ORC5: variants seen among roughly 807,000 people sequenced by gnomAD.
The protein encoded by ORC5 is protein phosphatase 1, regulatory subunit 117.
Under a neutral mutation model 58.8 loss-of-function variants are expected in ORC5, and 39 were observed. The observed-to-expected ratio is 0.66, with a 90% confidence interval of 0.51 to 0.87. ORC5 has a LOEUF of 0.87. Among genes scored for constraint, ORC5 ranks in the 40% least tolerant of loss-of-function variants. The pLI is 0.00. For synonymous variants in ORC5, 218 were observed against 177.6 expected, an observed-to-expected ratio of 1.23 and a Z score of -1.81; for missense variants, 493 against 506.3, an observed-to-expected ratio of 0.97 and a Z score of 0.25.
rs192385896 is a variant in ORC5 at position 104,167,222 on chromosome 7, T to C, written c.878-338A>G. Among the ~76,000 whole-genome samples the C allele has an allele frequency of 5.7e-3, 867 of 152,304 alleles. 3 individuals are homozygous for C. Among genetic ancestry groups the C allele is most frequent in the Non-Finnish European group, 8.6e-3 (588 of 68,010 alleles). On this transcript the variant is annotated intron_variant, in intron 9 of 13. Transcript: ENST00000297431. ...TTATTTCTACTATGAATTCCTACTC[T>C]GAGTATTCCCACATAACGTGATGCC...
At position 104,188,398 on chromosome 7, in the gene ORC5, A is replaced by C. The variant is rs1432437258; in HGVS notation, c.554-17T>G. On this transcript the variant is annotated splice_polypyrimidine_tract_variant and intron_variant, in intron 5 of 13. Transcript: ENST00000297431. ...GAAGGTTGCCTGTTCACAGGACACA[A>C]AATAACTTATAATGATTAACATAGT... 1 of 1,600,018 alleles carries C rather than the reference A, an allele frequency of 6.2e-7. No individual in the cohort carries two copies. The highest frequency in any genetic ancestry group is 2.2e-5 in the East Asian group (1 of 44,716).
chr7:104,151,337 A>G (rs1179882042), intron 12 of ORC5, among the ~76,000 whole-genome samples: 1 of 152,220 alleles, frequency 6.6e-6, no homozygotes, highest in Non-Finnish European at 1.5e-5. Flanking sequence ...CAACTGCCTA[A>G]TAAGGAAGCT....
In ORC5 at chr7:104,200,753, C is replaced by A; in HGVS notation, c.366+5G>T. 6.6e-7 allele frequency: 1 copy of A among 1,514,324 alleles called. No homozygotes were observed. Among genetic ancestry groups the A allele is most frequent in the Non-Finnish European group, 9.1e-7 (1 of 1,094,240 alleles). 93.8% of individuals were successfully genotyped at this position (1,514,324 alleles called of 1,614,324 possible). On this transcript the variant is annotated splice_donor_5th_base_variant and intron_variant, in intron 3 of 13. Coordinates refer to ENST00000297431, the MANE Select transcript of ORC5 (RefSeq NM_002553.4). ...GAGATGATCTAATCAAATGAAATTACTTACAATATATACAGTCTGATCTTT... is the reference window on the plus strand; with the variant it reads ...GAGATGATCTAATCAAATGAAATTAATTACAATATATACAGTCTGATCTTT...
At chr7:104,188,807 A>G (rs1799607190) in intron 5 of ORC5, among the ~76,000 whole-genome samples, 2 of 152,036 alleles carry the variant, frequency 1.3e-5, no homozygotes, top group Admixed American at 6.6e-5. Flanking sequence ...CATGAGGCAG[A>G]CTTCCCCCTA....
chr7:104,192,759 C>G (rs537090147), intron 5 of ORC5, among the ~76,000 whole-genome samples: 1 of 151,426 alleles, frequency 6.6e-6, no homozygotes, highest in South Asian at 2.1e-4. Context: ...AAACAACTAT[C>G]ATAAGTATGC....
At position 104,200,780 on chromosome 7, in the gene ORC5, A is replaced by T. The variant is rs1799920253; in HGVS notation, c.344T>A (p.Leu115His). ...LFKQVTTAEN[L>H]KDQTVYIVLD... ...TACAATATATACAGTCTGATCTTTA[A>T]GATTTTCAGCTGTGGTTACTTGTTT... Residue 115 changes from leucine (L) to histidine (H), a missense_variant, in exon 3 of 14, where the codon CTT becomes CAT. By Grantham distance (99) the Leu-to-His change is moderately conservative. Coordinates refer to ENST00000297431, the MANE Select transcript of ORC5 (RefSeq NM_002553.4). The T allele has an allele frequency of 6.2e-7, 1 of 1,605,910 alleles. No individual in the cohort carries two copies. The highest frequency in any genetic ancestry group is 2.2e-5 in the East Asian group (1 of 44,818).
chr7:104,188,187 T>A, intron 6 of ORC5, 64 bp downstream of exon 6: 1 of 1,163,752 alleles, frequency 8.6e-7, no homozygotes, highest in South Asian at 1.5e-5. Flanking sequence ...TATATACACA[T>A]ATATGTATAC....
chr7:104,199,470 G>A (rs1799881228), intron 3 of ORC5, among the ~76,000 whole-genome samples: 1 of 152,204 alleles, frequency 6.6e-6, no homozygotes, highest in Non-Finnish European at 1.5e-5. Flanking sequence ...CTGGATGTGA[G>A]GCATGGAGTC....
Position 104,137,988 on chromosome 7 carries a change from C to T in ORC5, c.1150-1095G>A, listed in dbSNP as rs76136074. On this transcript the variant is annotated intron_variant, in intron 12 of 13. Coordinates refer to ENST00000297431, the MANE Select transcript of ORC5 (RefSeq NM_002553.4). ...AAAACTAAAAGAGCACACTGTAACACGCCCACTGCGGCTTCAGGAGCTGTA... is the reference window on the plus strand; with the variant it reads ...AAAACTAAAAGAGCACACTGTAACATGCCCACTGCGGCTTCAGGAGCTGTA... Among the ~76,000 whole-genome samples the T allele has an allele frequency of 1.3e-3, 193 of 152,290 alleles. 2 individuals are homozygous for T. Among genetic ancestry groups the T allele is most frequent in the East Asian group, 0.012 (60 of 5,172 alleles).
intron 12 of ORC5, among the ~76,000 whole-genome samples, chr7:104,154,147 C>G (rs180840294): frequency 4.6e-5 from 7 of 152,116 alleles, no homozygotes; most frequent in African/African-American, 1.7e-4. Flanking sequence ...ACTGTATATA[C>G]TAGGCCATAT....
chr7:104,194,177 GA>G (rs1799743906), intron 5 of ORC5, among the ~76,000 whole-genome samples: 1 of 146,358 alleles, frequency 6.8e-6, no homozygotes. Flanking sequence ...TTATGGATGA[GA>G]AATTAATGAC....
intron 12 of ORC5, among the ~76,000 whole-genome samples, chr7:104,141,714 AACTT>A (rs1414120125): frequency 2.6e-5 from 4 of 152,214 alleles, no homozygotes; most frequent in African/African-American, 9.6e-5. Flanking sequence ...AAAAAAATCT[AACTT>A]ACAACAGCAT....
chr7:104,159,041 G>A (rs993381199), intron 12 of ORC5, among the ~76,000 whole-genome samples: 11 of 147,742 alleles, frequency 7.4e-5, no homozygotes, highest in Middle Eastern at 6.8e-3. Flanking sequence ...CGTTTATTAC[G>A]GCACTATTCA....
intron 10 of ORC5, 76 bp from the exon 11 acceptor site, chr7:104,165,358 C>A: frequency 1.3e-6 from 1 of 796,406 alleles, no homozygotes; most frequent in South Asian, 1.6e-5. Flanking sequence ...TTATTTAAAA[C>A]ATGGCACACA....
intron 6 of ORC5, chr7:104,188,044 GT>G: frequency 9.4e-7 from 1 of 1,064,246 alleles, no homozygotes; most frequent in Non-Finnish European, 1.2e-6. Flanking sequence ...AACAATCAAA[GT>G]TTGTACTAAC....
chr7:104,146,879 A>G (rs1798761212), intron 12 of ORC5, among the ~76,000 whole-genome samples: 1 of 152,224 alleles, frequency 6.6e-6, no homozygotes, highest in South Asian at 2.1e-4. Flanking sequence ...ATATTTTACT[A>G]TAGCTTTGCC....
chr7:104,183,947 A>T lies in ORC5; in HGVS notation c.820T>A (p.Ser274Thr). ...AMQTVYLREISSSQWEKLQKD... is the reference protein window; with the variant it reads ...AMQTVYLREITSSQWEKLQKD... ...GCATACTAAATAGAAAATTACCTTG[A>T]TATTTCCCTGAGATAAACAGTCTGC... Residue 274 changes from serine to threonine, a missense_variant, in exon 8 of 14, where the codon TCA (serine) becomes ACA (threonine). Around this residue, in one of 3 missense-constraint regions of ORC5, gnomAD observed 412 missense variants for 403.7 expected, o/e 1.02. Coordinates refer to ENST00000297431, the MANE Select transcript of ORC5 (RefSeq NM_002553.4). 1 of 1,601,888 alleles carries T rather than the reference A, an allele frequency of 6.2e-7. No individual in the cohort carries two copies. Among genetic ancestry groups the T allele is most frequent in the Non-Finnish European group, 8.5e-7 (1 of 1,171,172 alleles).
intron 5 of ORC5, among the ~76,000 whole-genome samples, chr7:104,194,913 A>G (rs1188752058): frequency 7.7e-6 from 1 of 129,784 alleles, no homozygotes; most frequent in Non-Finnish European, 1.6e-5. Flanking sequence ...TGAGATTGGC[A>G]GCAAACCTTA....
chr7:104,160,682 G>A (rs146579555), intron 12 of ORC5, among the ~76,000 whole-genome samples: 64 of 152,020 alleles, frequency 4.2e-4, no homozygotes, highest in Non-Finnish European at 7.1e-4. Flanking sequence ...GTACATAGAT[G>A]AGGAATAAGA....
Sources: gnomAD v4.1 joint callset for allele counts (sites outside exome capture counted in the v4.1 genomes callset) on GRCh38, gnomAD v4.1.1 for gene constraint, gnomAD v4.1.1 regional missense constraint, MANE v1.5 for transcripts, NCBI Gene and HGNC (gene_info 2026-07-23, HGNC 2026-07-21) for gene names.